The following ARHGEF17 variants were observed in gnomAD, a reference collection of about 807,000 sequenced individuals.
ARHGEF17 encodes Rho guanine nucleotide exchange factor 17, also known as 164 kDa Rho-specific guanine-nucleotide exchange factor.
A neutral mutation model predicts 174.0 loss-of-function variants in ARHGEF17; 80 were observed. The observed-to-expected ratio is 0.46, with a 90% confidence interval of 0.38 to 0.55. The LOEUF (loss-of-function observed/expected upper bound fraction) is 0.55. ARHGEF17 is among the 20% of genes least tolerant of loss of function. The probability of loss-of-function intolerance (pLI) is 0.00; values close to 1 mark genes in which losing one functional copy is unlikely to be tolerated. For synonymous variants in ARHGEF17, 1,311 were observed against 1,189.1 expected, an observed-to-expected ratio of 1.10 and a Z score of -2.11; for missense variants, 2,886 against 2,839.7, an observed-to-expected ratio of 1.02 and a Z score of -0.37.
intron 1 of ARHGEF17, among the ~76,000 whole-genome samples, chr11:73,320,661 ATTTTT>A (rs1400325672): frequency 1.8e-5 from 2 of 109,354 alleles, no homozygotes; most frequent in Non-Finnish European, 1.7e-5. Flanking sequence ...GATGATGATG[ATTTTT>A]TTTTTTTTTT....
chr11:73,361,633 A>T (rs1865739442), intron 12 of ARHGEF17, among the ~76,000 whole-genome samples: 1 of 152,152 alleles, frequency 6.6e-6, no homozygotes, highest in African/African-American at 2.4e-5. Flanking sequence ...GGGCCAAGTT[A>T]GGAGGATCAC....
rs1864728405 is a variant in ARHGEF17, at chr11:73,308,499, T to C, written c.-140T>C. On this transcript the variant is annotated 5_prime_UTR_variant, in exon 1 of 21. Coordinates refer to ENST00000263674, the MANE Select transcript of ARHGEF17 (RefSeq NM_014786.4). Reference sequence around the variant, plus strand: ...ACTTGAGCCGCGGCAGAGAAACCTCTGCTCCGGTCTCTGCGTCCTCTTCCC... The same window carrying C: ...ACTTGAGCCGCGGCAGAGAAACCTCCGCTCCGGTCTCTGCGTCCTCTTCCC... 1.3e-6 allele frequency: 1 copy of C among 741,410 alleles called. No individual in the cohort carries two copies. 45.9% of individuals were successfully genotyped at this position (741,410 alleles called of 1,614,324 possible). A position where few individuals can be genotyped will look rare whatever the true frequency, so the allele number is the denominator to read the frequency against.
chr11:73,367,266 G>A (rs916513189), intron 20 of ARHGEF17, among the ~76,000 whole-genome samples: 10 of 152,280 alleles, frequency 6.6e-5, no homozygotes, highest in African/African-American at 7.2e-5. Flanking sequence ...AGGACGTTGC[G>A]TGCAGTAATC....
At chr11:73,354,542 C>T (rs1357133369) in intron 3 of ARHGEF17, among the ~76,000 whole-genome samples, 7 of 152,082 alleles carry the variant, frequency 4.6e-5, no homozygotes, top group Non-Finnish European at 1.0e-4. Flanking sequence ...GGTGAAACCT[C>T]GTCTCTACTA....
intron 1 of ARHGEF17, among the ~76,000 whole-genome samples, chr11:73,345,972 G>A (rs899847857): frequency 1.3e-5 from 2 of 152,096 alleles, no homozygotes; most frequent in African/African-American, 4.8e-5. Flanking sequence ...ATTTTGAGGG[G>A]AGAGGTGTAG....
At position 73,365,848 on chromosome 11, in the gene ARHGEF17, G is replaced by T. The variant is rs781538554; in HGVS notation, c.5896G>T (p.Gly1966Cys). The change falls in exon 20 of 21, where the codon GGC becomes TGC. Residue 1966 changes from glycine (G) to cysteine (C), a missense_variant. Physicochemically the swap from Gly to Cys is radical, Grantham distance 159 (BLOSUM62 -3). Coordinates refer to ENST00000263674, the MANE Select transcript of ARHGEF17 (RefSeq NM_014786.4). This position sits in a 1 kb window ranked among gnomAD's most constrained non-coding sequence, Gnocchi z 4.9. ...PRAPLSPTGL[G>C]QGHTGHVRFL... The stretch of plus-strand genomic sequence containing the variant: ...GGCACCACTCAGTCCCACAGGCCTC[G>T]GCCAGGGACACACCGGCCACGTCCG... 6.2e-7 allele frequency: 1 copy of T among 1,612,802 alleles called. No individual in the cohort carries two copies. The highest frequency in any genetic ancestry group is 1.7e-5 in the Admixed American group (1 of 60,014).
intron 18 of ARHGEF17, chr11:73,364,821 T>G (rs1216407680): frequency 4.7e-5 from 26 of 557,582 alleles, no homozygotes; most frequent in Non-Finnish European, 7.1e-5. Flanking sequence ...ATTAGGAATC[T>G]TATTCATCCT....
At chr11:73,314,835 C>A (rs1217013385) in intron 1 of ARHGEF17, among the ~76,000 whole-genome samples, 2 of 152,118 alleles carry the variant, frequency 1.3e-5, no homozygotes, top group African/African-American at 2.4e-5. Context: ...CCCGCCCCAG[C>A]CTCAAAGTGC....
intron 3 of ARHGEF17, among the ~76,000 whole-genome samples, chr11:73,354,081 G>T (rs573547331): frequency 6.6e-6 from 1 of 152,330 alleles, no homozygotes; most frequent in Non-Finnish European, 1.5e-5. Context: ...TGGGATGTAT[G>T]TTTCAATATA....
intron 7 of ARHGEF17, 51 bp from the exon 8 acceptor site, chr11:73,356,974 G>C: frequency 6.3e-7 from 1 of 1,587,824 alleles, no homozygotes; most frequent in Non-Finnish European, 8.6e-7. Context: ...GCAGGGGGGT[G>C]GGCTTCTGGA....
intron 1 of ARHGEF17, among the ~76,000 whole-genome samples, chr11:73,328,357 C>T (rs144537969): frequency 3.7e-4 from 56 of 152,250 alleles, no homozygotes; most frequent in African/African-American, 1.3e-3. Flanking sequence ...TTAAAGTTGC[C>T]CATCACTGAC....
At position 73,346,942 on chromosome 11, in the gene ARHGEF17, G is replaced by T. The variant is rs147103857; in HGVS notation, c.3252G>T (p.Ser1084=). 6.3e-7 allele frequency: 1 copy of T among 1,576,678 alleles called. No homozygotes were observed. Among genetic ancestry groups the T allele is most frequent in the Non-Finnish European group, 8.7e-7 (1 of 1,154,990 alleles). The change falls in exon 2 of 21, where the codon TCG becomes TCT. Residue 1084 remains serine (S), a synonymous_variant. Transcript: ENST00000263674. The stretch of plus-strand genomic sequence containing the variant: ...ACACAGAGCAGTCGTATGTGGAGTC[G>T]CTGCGCACCCTGATGCAGGTGGGGC... ...LLDTEQSYVE[S]LRTLMQGYMQ... is the part of the protein sequence containing the mutation.
intron 1 of ARHGEF17, among the ~76,000 whole-genome samples, chr11:73,341,323 T>C (rs1168903949): frequency 6.6e-6 from 1 of 152,178 alleles, no homozygotes; most frequent in African/African-American, 2.4e-5. Flanking sequence ...GGAGTTTCGC[T>C]GTTGTTGCCC....
intron 10 of ARHGEF17, 54 bp from the exon 11 acceptor site, chr11:73,360,266 G>T (rs2134420444): frequency 1.3e-6 from 2 of 1,595,268 alleles, no homozygotes; most frequent in East Asian, 2.2e-5. Context: ...TTAAGGGCAG[G>T]TGCAGGCTCT....
chr11:73,366,384 AAAC>A (rs1865839679), intron 20 of ARHGEF17, among the ~76,000 whole-genome samples: 1 of 152,220 alleles, frequency 6.6e-6, no homozygotes. Flanking sequence ...TAGCAACAGA[AAAC>A]AACATAGAAT....
At chr11:73,343,068 CCT>C (rs1165027771) in intron 1 of ARHGEF17, 1 of 307,708 alleles carries the variant, frequency 3.2e-6, no homozygotes, top group Non-Finnish European at 5.9e-6. Context: ...GGAGGCGGCC[CCT>C]GACTCCGCGC....
At chr11:73,356,042 G>A in intron 5 of ARHGEF17, 89 bp downstream of exon 5, 1 of 1,583,422 alleles carries the variant, frequency 6.3e-7, no homozygotes, top group Non-Finnish European at 8.7e-7. Flanking sequence ...CGTTGAGCCT[G>A]ACATCAGGGT....
chr11:73,356,832 T>A (rs576616947), intron 7 of ARHGEF17, 73 bp downstream of exon 7: 2 of 1,596,266 alleles, frequency 1.3e-6, no homozygotes, highest in African/African-American at 2.7e-5. Context: ...TCACACCCTC[T>A]ACCTGCAGGT....
At position 73,363,909 on chromosome 11, in the gene ARHGEF17, C is replaced by A. The variant is rs1015725232; in HGVS notation, c.5333+76C>A. ...GCAGGCCTCCTTCTGTTCATCTGGT[C>A]CCCCTGCTCTACTGTCCCTCCTCTG... On this transcript the variant is annotated intron_variant, in intron 16 of 20. Coordinates refer to ENST00000263674, the MANE Select transcript of ARHGEF17 (RefSeq NM_014786.4). 15 of 1,455,576 alleles carry A rather than the reference C, an allele frequency of 1.0e-5. No homozygotes were observed. In the Admixed American group the frequency reaches 2.3e-4, roughly 22 times the overall value. The allele number at this position is 1,455,576 out of a possible 1,614,324, so 90.2% of individuals were successfully genotyped here.
Sources: allele counts gnomAD v4.1 joint callset (sites outside exome capture counted in the v4.1 genomes callset), GRCh38; gene constraint gnomAD v4.1.1; non-coding constraint Gnocchi (gnomAD v3.1); transcripts MANE v1.5; gene names NCBI Gene and HGNC (gene_info 2026-07-23, HGNC 2026-07-21).